Variants in MYO16 observed in about 807,000 individuals in gnomAD.
MYO16 encodes myosin XVI, also known as unconventional myosin-XVI.
MYO16 carries 94 observed loss-of-function variants against 205.3 expected under a neutral mutation model. The observed-to-expected ratio is 0.46, with a 90% confidence interval of 0.39 to 0.54. The LOEUF is 0.54. MYO16 is among the 20% of genes least tolerant of loss of function. MYO16 has a pLI of 0.00. For synonymous variants in MYO16, 988 were observed against 954.0 expected, an observed-to-expected ratio of 1.04 and a Z score of -0.66; for missense variants, 2,315 against 2,387.5, an observed-to-expected ratio of 0.97 and a Z score of 0.63.
chr13:109,029,200 C>T (rs551639816), intron 23 of MYO16, among the ~76,000 whole-genome samples: 4 of 147,006 alleles, frequency 2.7e-5, no homozygotes, highest in African/African-American at 5.0e-5. Flanking sequence ...CTGCAACCTC[C>T]GCCTCCCAGG....
chr13:109,166,947 T>C (rs1026111652), intron 33 of MYO16: 1 of 152,182 alleles, frequency 6.6e-6, no homozygotes, highest in African/African-American at 2.4e-5. Flanking sequence ...GAGACAGCAA[T>C]CAAGCTGTCA....
intron 5 of MYO16, among the ~76,000 whole-genome samples, chr13:108,790,735 C>G (rs943338165): frequency 6.6e-6 from 1 of 152,148 alleles, no homozygotes; most frequent in Non-Finnish European, 1.5e-5. Flanking sequence ...GGCATCATAT[C>G]TAATTCAAAA....
intron 33 of MYO16, among the ~76,000 whole-genome samples, chr13:109,176,262 A>G (rs955717157): frequency 1.4e-5 from 2 of 140,534 alleles, no homozygotes; most frequent in Non-Finnish European, 3.0e-5. Flanking sequence ...AGCCATTCAT[A>G]TTTTCATATT....
At chr13:109,038,446 C>T (rs1366238838) in intron 23 of MYO16, among the ~76,000 whole-genome samples, 1 of 152,054 alleles carries the variant, frequency 6.6e-6, no homozygotes, top group Admixed American at 6.5e-5. Flanking sequence ...CCTTGGTACT[C>T]CTGGATTTCG....
chr13:109,012,972 T>C (rs2139492641), intron 22 of MYO16, among the ~76,000 whole-genome samples: 1 of 152,084 alleles, frequency 6.6e-6, no homozygotes, highest in East Asian at 1.9e-4. Context: ...GTTTTTGTTT[T>C]TGCTTTTTAT....
chr13:108,751,392 T>C (rs1187057738), intron 4 of MYO16, among the ~76,000 whole-genome samples: 1 of 152,070 alleles, frequency 6.6e-6, no homozygotes, highest in Non-Finnish European at 1.5e-5. Flanking sequence ...AGCAACATGA[T>C]AAAACAGTAG....
chr13:108,818,874 G>A (rs887310641), intron 7 of MYO16, among the ~76,000 whole-genome samples: 1 of 152,144 alleles, frequency 6.6e-6, no homozygotes, highest in Non-Finnish European at 1.5e-5. Context: ...GGAGAAGCCT[G>A]CTCCATTTTC....
chr13:108,601,986 G>T (rs1878780057), intron 1 of MYO16, among the ~76,000 whole-genome samples: 1 of 151,834 alleles, frequency 6.6e-6, no homozygotes, highest in Admixed American at 6.6e-5. Flanking sequence ...TAGGAGGCTG[G>T]GCCACGGGGT....
intron 33 of MYO16, among the ~76,000 whole-genome samples, chr13:109,165,547 C>T (rs563069264): frequency 1.3e-5 from 2 of 152,138 alleles, no homozygotes; most frequent in African/African-American, 4.8e-5. Flanking sequence ...TAAAAGAAGA[C>T]AAAGGCGTCT....
chr13:108,961,480 T>G (rs568612455), intron 17 of MYO16, 59 bp from the exon 18 acceptor site: 5 of 1,349,036 alleles, frequency 3.7e-6, no homozygotes, highest in Non-Finnish European at 4.2e-6. Context: ...TTAAAAATTT[T>G]GCCTTTTAAT....
At chr13:108,521,940 G>T in the MYO16 span, among the ~76,000 whole-genome samples, 1 of 152,124 alleles carries the variant, frequency 6.6e-6, no homozygotes, top group Non-Finnish European at 1.5e-5. Context: ...TCTAAACATT[G>T]GTTGGAGGCA....
At chr13:109,202,348 G>T (rs1333830674) in intron 34 of MYO16, among the ~76,000 whole-genome samples, 2 of 152,034 alleles carry the variant, frequency 1.3e-5, no homozygotes, top group African/African-American at 4.8e-5. Context: ...CCTTTTCACT[G>T]CATCTATGCC....
At chr13:108,828,601 C>A (rs777847930) in intron 9 of MYO16, among the ~76,000 whole-genome samples, 1 of 152,074 alleles carries the variant, frequency 6.6e-6, no homozygotes, top group East Asian at 1.9e-4. Flanking sequence ...GTTTATCCTA[C>A]CAGGTGAGAT....
chr13:108,818,993 A>G lies in MYO16; in HGVS notation c.868-1344A>G, dbSNP rs560180935. On this transcript the variant is annotated intron_variant, in intron 7 of 34. Coordinates refer to ENST00000457511, the MANE Select transcript of MYO16 (RefSeq NM_001198950.3). ...TTAAGTAGAACGTAGAGCAGCAGAA[A>G]GCCTTGTTAGGAGTAGGAGTGTAAA... is the stretch of plus-strand genomic sequence containing the variant. Among the ~76,000 whole-genome samples, 28 of 152,300 alleles carry G rather than the reference A, an allele frequency of 1.8e-4. No individual in the cohort carries two copies. The Middle Eastern group carries it at 0.014, about 75-fold the overall frequency.
chr13:108,721,108 G>T (rs43337), intron 3 of MYO16, among the ~76,000 whole-genome samples: 6,308 of 152,224 alleles, frequency 0.041, 415 homozygotes, highest in African/African-American at 0.14. Context: ...TGTTGAGTTT[G>T]TATATTAAGA....
chr13:109,146,973 T>TACTC (rs1566532104), intron 32 of MYO16, among the ~76,000 whole-genome samples: 34 of 152,050 alleles, frequency 2.2e-4, no homozygotes, highest in African/African-American at 7.7e-4. Context: ...CTTAAGGCAT[T>TACTC]TTAATAAGTA....
At chr13:108,960,274 C>CAAA (rs369076417) in intron 17 of MYO16, among the ~76,000 whole-genome samples, 10 of 127,448 alleles carry the variant, frequency 7.8e-5, no homozygotes, top group South Asian at 2.5e-4. Flanking sequence ...AACCCTGTCT[C>CAAA]AAAAAAAAAA....
At chr13:108,529,283 C>T in the MYO16 span, among the ~76,000 whole-genome samples, 7 of 152,138 alleles carry the variant, frequency 4.6e-5, no homozygotes, top group Non-Finnish European at 8.8e-5. Flanking sequence ...GGTAGAGTTA[C>T]GTGCACCCTT....
intron 5 of MYO16, among the ~76,000 whole-genome samples, chr13:108,786,011 T>C (rs1465235872): frequency 6.6e-6 from 1 of 152,188 alleles, no homozygotes; most frequent in East Asian, 1.9e-4. Flanking sequence ...CCATAATTAG[T>C]GGGACTGGGT....
Sources: gnomAD v4.1 joint callset for allele counts (sites outside exome capture counted in the v4.1 genomes callset) on GRCh38, gnomAD v4.1.1 for gene constraint, MANE v1.5 for transcripts, NCBI Gene and HGNC (gene_info 2026-07-23, HGNC 2026-07-21) for gene names.